Variants in KHDRBS2 observed in about 807,000 individuals in gnomAD.
KHDRBS2 encodes KH RNA binding domain containing, signal transduction associated 2, also known as KH domain-containing, RNA-binding, signal transduction-associated protein 2.
KHDRBS2 carries 26 observed loss-of-function variants against 44.3 expected under a neutral mutation model. The observed-to-expected ratio is 0.59, with a 90% CI of 0.43 to 0.81. KHDRBS2 has a LOEUF of 0.81. KHDRBS2 is among the 40% of genes least tolerant of loss of function. The pLI, the probability that KHDRBS2 is intolerant of heterozygous loss-of-function variation, is 0.00. For synonymous variants in KHDRBS2, 194 were observed against 151.1 expected (o/e 1.28, Z -2.08); for missense variants, 476 against 433.1 (o/e 1.10, Z -0.88).
At position 61,907,178 on chromosome 6, in the gene KHDRBS2, T is replaced by C. The variant is rs557263763; in HGVS notation, c.484-5807A>G. Among the ~76,000 whole-genome samples the C allele has an allele frequency of 3.3e-5, 5 of 152,338 alleles. No homozygotes were observed. The South Asian group carries it at 1.0e-3, about 32-fold the overall frequency. On this transcript the variant is annotated intron_variant, in intron 4 of 8. Transcript: ENST00000281156. ...AATAATGTTGAGCATTTTTTTCACA[T>C]ACCTGTTGACAATTTGTATGTCTTC...
At chr6:62,000,783 C>G (rs571684438) in intron 3 of KHDRBS2, among the ~76,000 whole-genome samples, 4 of 152,216 alleles carry the variant, frequency 2.6e-5, no homozygotes, top group African/African-American at 9.6e-5. Flanking sequence ...GCTGCATGAC[C>G]TCAGTCAGCA....
the KHDRBS2 span, among the ~76,000 whole-genome samples, chr6:61,654,103 C>T: frequency 6.6e-6 from 1 of 151,946 alleles, no homozygotes; most frequent in Non-Finnish European, 1.5e-5. Flanking sequence ...CAGGTCCATA[C>T]TTCAGTCCTG....
At chr6:61,913,189 A>G (rs1289646400) in intron 4 of KHDRBS2, among the ~76,000 whole-genome samples, 3 of 152,194 alleles carry the variant, frequency 2.0e-5, no homozygotes, top group Non-Finnish European at 4.4e-5. Context: ...TGATTAATGT[A>G]CACTTTGATT....
At chr6:61,933,048 TAA>T (rs1233584414) in intron 4 of KHDRBS2, among the ~76,000 whole-genome samples, 1 of 152,152 alleles carries the variant, frequency 6.6e-6, no homozygotes, top group Non-Finnish European at 1.5e-5. Context: ...AATTTATAAA[TAA>T]AAGAGATTTA....
chr6:62,129,453 T>C lies in KHDRBS2; in HGVS notation c.219+47732A>G, dbSNP rs570528541. Among the ~76,000 whole-genome samples the C allele has an allele frequency of 9.2e-5, 14 of 152,280 alleles. No homozygotes were observed. The South Asian group carries it at 2.7e-3, about 29-fold the overall frequency. On this transcript the variant is annotated intron_variant, in intron 2 of 8. Coordinates refer to ENST00000281156, the MANE Select transcript of KHDRBS2 (RefSeq NM_152688.4). Reference sequence around the variant, plus strand: ...GATTCAAAATACATAAATGCAACTATATTTTTGGTAGAGTGGGTTAAATTA... The same window carrying C: ...GATTCAAAATACATAAATGCAACTACATTTTTGGTAGAGTGGGTTAAATTA...
intron 1 of KHDRBS2, among the ~76,000 whole-genome samples, chr6:62,189,166 G>A (rs908327762): frequency 3.3e-5 from 5 of 151,704 alleles, no homozygotes; most frequent in African/African-American, 7.3e-5. Flanking sequence ...AAGAACATGC[G>A]TCAGAGGGAA....
intron 6 of KHDRBS2, among the ~76,000 whole-genome samples, chr6:61,843,916 A>G (rs186702675): frequency 6.6e-6 from 1 of 152,270 alleles, no homozygotes; most frequent in East Asian, 1.9e-4. Context: ...TATCGAATGA[A>G]CCCTTAATTC....
intron 1 of KHDRBS2, among the ~76,000 whole-genome samples, chr6:62,194,886 T>A (rs1278490929): frequency 6.6e-6 from 1 of 152,106 alleles, no homozygotes; most frequent in Non-Finnish European, 1.5e-5. Flanking sequence ...AATATGTTCA[T>A]CCTTTTCACA....
chr6:61,918,042 C>A (rs11757669), intron 4 of KHDRBS2, among the ~76,000 whole-genome samples: 2 of 151,778 alleles, frequency 1.3e-5, no homozygotes, highest in African/African-American at 4.8e-5. Flanking sequence ...ATCTTTATGG[C>A]GCATCGGCGA....
chr6:62,189,400 G>C (rs768838234), intron 1 of KHDRBS2, among the ~76,000 whole-genome samples: 4 of 151,924 alleles, frequency 2.6e-5, no homozygotes, highest in Non-Finnish European at 5.9e-5. Context: ...GGCCAGAACT[G>C]TGCATCCAGG....
intron 1 of KHDRBS2, among the ~76,000 whole-genome samples, chr6:62,227,259 T>C (rs1832038727): frequency 1.3e-5 from 2 of 152,320 alleles, no homozygotes; most frequent in Non-Finnish European, 2.9e-5. Context: ...GCTGTATTCC[T>C]AGGTATTCTA....
chr6:61,744,815 C>G (rs1223406259), intron 6 of KHDRBS2, among the ~76,000 whole-genome samples: 2 of 151,988 alleles, frequency 1.3e-5, no homozygotes, highest in Non-Finnish European at 2.9e-5. Context: ...TTAGGAGAAA[C>G]AAACCTTGTC....
chr6:61,815,563 T>C (rs1194347673), intron 6 of KHDRBS2, among the ~76,000 whole-genome samples: 1 of 152,164 alleles, frequency 6.6e-6, no homozygotes, highest in East Asian at 1.9e-4. Flanking sequence ...AAGAGGTTGG[T>C]TGGGATTATC....
At chr6:61,649,425 G>A in the KHDRBS2 span, among the ~76,000 whole-genome samples, 98 of 152,256 alleles carry the variant, frequency 6.4e-4, no homozygotes, top group African/African-American at 2.2e-3. Context: ...TTGGGCTAGT[G>A]GGTGTCAGCC....
chr6:61,881,543 C>T (rs1170112087), intron 6 of KHDRBS2, among the ~76,000 whole-genome samples: 1 of 151,916 alleles, frequency 6.6e-6, no homozygotes, highest in Non-Finnish European at 1.5e-5. Context: ...AACATCTCGA[C>T]AGGCAGAGTA....
chr6:61,986,578 C>T lies in KHDRBS2; in HGVS notation c.337-8366G>A, dbSNP rs139040937. Among the ~76,000 whole-genome samples the T allele has an allele frequency of 8.5e-4, 130 of 152,220 alleles. 1 individual carries two copies. The highest frequency in any genetic ancestry group is 3.0e-3 in the African/African-American group (123 of 41,550). ...TAGAAAGATAAGGAAAAATAAACAT[C>T]ACTATATTTCTTAGTCTGGTCAGGC... is the stretch of plus-strand genomic sequence containing the variant. On this transcript the variant is annotated intron_variant, in intron 3 of 8. Transcript: ENST00000281156.
chr6:61,817,025 T>C (rs747424324), intron 6 of KHDRBS2: 15 of 455,342 alleles, frequency 3.3e-5, no homozygotes, highest in East Asian at 2.1e-4. Context: ...TAAGGAGAGG[T>C]ACAGAGGTAT....
chr6:62,256,032 G>A (rs1837345781), intron 1 of KHDRBS2, among the ~76,000 whole-genome samples: 1 of 151,810 alleles, frequency 6.6e-6, no homozygotes, highest in Admixed American at 6.6e-5. Flanking sequence ...CTACTCAGGA[G>A]GCTGAGACTG....
chr6:62,231,480 T>A (rs141273018), intron 1 of KHDRBS2, among the ~76,000 whole-genome samples: 104 of 152,242 alleles, frequency 6.8e-4, no homozygotes, highest in African/African-American at 2.4e-3. Flanking sequence ...TCCCTCCCTC[T>A]ACCCTTGGGG....
Sources: allele counts gnomAD v4.1 joint callset (sites outside exome capture counted in the v4.1 genomes callset), GRCh38; gene constraint gnomAD v4.1.1; transcripts MANE v1.5; gene names NCBI Gene and HGNC (gene_info 2026-07-23, HGNC 2026-07-21).